Variants in CD163 observed in about 807,000 individuals in gnomAD.
The protein encoded by CD163 is CD163 molecule.
In CD163, 64 loss-of-function variants were observed where a neutral mutation model predicts 129.2. The observed-to-expected ratio is 0.50, with a 90% CI of 0.41 to 0.61. CD163 has a LOEUF of 0.61. CD163 is among the 20% of genes least tolerant of loss of function. CD163 has a pLI of 0.00. For synonymous variants in CD163, 446 were observed against 478.5 expected, an observed-to-expected ratio of 0.93 and a Z score of 0.89; for missense variants, 1,061 against 1,377.9, an observed-to-expected ratio of 0.77 and a Z score of 3.64.
chr12:7,476,448 C>CTGA (rs1363782527), intron 16 of CD163, among the ~76,000 whole-genome samples: 4 of 152,162 alleles, frequency 2.6e-5, no homozygotes, highest in African/African-American at 9.7e-5. Flanking sequence ...CTACAACCAT[C>CTGA]TGATCTTCAA....
intron 16 of CD163, among the ~76,000 whole-genome samples, chr12:7,474,698 C>G (rs1949059320): frequency 6.6e-6 from 1 of 152,032 alleles, no homozygotes; most frequent in African/African-American, 2.4e-5. Context: ...AATTCAAAAG[C>G]TAGCAGAAGA....
At chr12:7,474,824 A>G (rs71354415) in intron 16 of CD163, among the ~76,000 whole-genome samples, 2 of 152,032 alleles carry the variant, frequency 1.3e-5, no homozygotes, top group Admixed American at 6.6e-5. Flanking sequence ...TCGACAGACC[A>G]CTAGCCAGAC....
At chr12:7,493,657 C>T (rs1476310660) in intron 6 of CD163, among the ~76,000 whole-genome samples, 1 of 151,758 alleles carries the variant, frequency 6.6e-6, no homozygotes, top group Non-Finnish European at 1.5e-5. Flanking sequence ...AAATCTATAA[C>T]CTAAAATATT....
Position 7,487,720 on chromosome 12 carries a change from C to A in CD163, c.1736-47G>T. 6.2e-7 allele frequency: 1 copy of A among 1,614,100 alleles called. No individual in the cohort carries two copies. The highest frequency in any genetic ancestry group is 1.1e-5 in the South Asian group (1 of 91,078). On this transcript the variant is annotated intron_variant, in intron 7 of 16. Transcript: ENST00000432237. This position sits in a 1 kb window ranked among gnomAD's most constrained non-coding sequence, Gnocchi z 5.1. ...GAAAAAGACAGCTATGACTCCCTAA[C>A]CCTGTCCCTTTCACAGTATGAGAAC... is the stretch of plus-strand genomic sequence containing the variant.
chr12:7,497,247 A>T (rs763826671), intron 4 of CD163, 114 bp from the exon 5 acceptor site: 2 of 839,218 alleles, frequency 2.4e-6, no homozygotes, highest in South Asian at 3.2e-5. Flanking sequence ...GGAGACAGAG[A>T]AAACTGTGAT....
chr12:7,471,676 C>CTCTGCATTTCCAACTGAGTCATT (rs1302431280), intron 16 of CD163, among the ~76,000 whole-genome samples: 6 of 152,074 alleles, frequency 3.9e-5, no homozygotes, highest in African/African-American at 1.4e-4. Context: ...ACGCAGAAGT[C>CTCTGCATTTCCAACTGAGTCATT]TCTGCATTTC....
rs753569192 is a variant in CD163 at position 7,482,644 on chromosome 12, T to G, written c.3246A>C (p.Ala1082=). The change falls in exon 14 of 17, where the codon GCA becomes GCC. Residue 1082 remains alanine, a splice_region_variant and synonymous_variant. Coordinates refer to ENST00000432237, the MANE Select transcript of CD163 (RefSeq NM_203416.4). Reference sequence around the variant, plus strand: ...AGATAAACCAAATTTGGCTCAAACCTGCAAGCCGCTGTCTCTGTCTTCGCT... The same window carrying G: ...AGATAAACCAAATTTGGCTCAAACCGGCAAGCCGCTGTCTCTGTCTTCGCT... The part of the protein sequence containing the change: ...TKKRRQRQRL[A]VSSRGENLVH... The G allele has an allele frequency of 3.1e-6, 5 of 1,614,100 alleles. No homozygotes were observed. Among genetic ancestry groups the G allele is most frequent in the Non-Finnish European group, 4.2e-6 (5 of 1,179,972 alleles).
At chr12:7,478,155 C>G (rs1488700488) in intron 16 of CD163, among the ~76,000 whole-genome samples, 5 of 151,986 alleles carry the variant, frequency 3.3e-5, no homozygotes, top group Non-Finnish European at 5.9e-5. Context: ...AGAAAGGAAT[C>G]TTTGTATATT....
chr12:7,500,279 G>A (rs1464608926), intron 3 of CD163, among the ~76,000 whole-genome samples: 1 of 151,922 alleles, frequency 6.6e-6, no homozygotes, highest in African/African-American at 2.4e-5. Flanking sequence ...AAATCAGCCA[G>A]GTGTGGTGGC....
intron 16 of CD163, 86 bp downstream of exon 16, chr12:7,479,774 C>T: frequency 7.2e-7 from 1 of 1,389,382 alleles, no homozygotes; most frequent in Non-Finnish European, 9.9e-7. Context: ...TATATACATT[C>T]TTTCTTTCTA....
chr12:7,499,016 A>G lies in CD163; in HGVS notation c.630T>C (p.Gly210=), dbSNP rs1949441264. The change falls in exon 4 of 17, where the codon GGT becomes GGC. Residue 210 remains glycine, a synonymous_variant. Coordinates refer to ENST00000432237, the MANE Select transcript of CD163 (RefSeq NM_203416.4). Reference sequence around the variant, plus strand: ...CAGAGCCTTCTCCAAAATTAGATGAACCAGAGAAACTGACAGCACTTCCAC... The same window carrying G: ...CAGAGCCTTCTCCAAAATTAGATGAGCCAGAGAAACTGACAGCACTTCCAC... ...LECGSAVSFS[G]SSNFGEGSGP... The G allele has an allele frequency of 6.2e-7, 1 of 1,614,188 alleles. No individual in the cohort carries two copies. The highest frequency in any genetic ancestry group is 8.5e-7 in the Non-Finnish European group (1 of 1,180,020).
chr12:7,476,308 G>C (rs1490608126), intron 16 of CD163, among the ~76,000 whole-genome samples: 5 of 152,138 alleles, frequency 3.3e-5, no homozygotes. Flanking sequence ...GAACAGAGCT[G>C]GAAGCATCAC....
chr12:7,478,898 A>G (rs867876381), intron 16 of CD163, among the ~76,000 whole-genome samples: 2 of 152,122 alleles, frequency 1.3e-5, no homozygotes, highest in South Asian at 4.1e-4. Flanking sequence ...TTATTTTAAA[A>G]ACAGAAAATG....
At chr12:7,486,849 T>C (rs1454418767) in intron 9 of CD163, 36 bp from the exon 10 acceptor site, 3 of 1,604,984 alleles carry the variant, frequency 1.9e-6, no homozygotes, top group East Asian at 4.5e-5. Flanking sequence ...TAATGAGCAT[T>C]CCACTTGTTA....
chr12:7,489,116 C>T (rs1054046248), intron 6 of CD163, among the ~76,000 whole-genome samples: 1 of 152,050 alleles, frequency 6.6e-6, no homozygotes, highest in African/African-American at 2.4e-5. Flanking sequence ...GAAATTACTA[C>T]AGAATTAGTA....
chr12:7,484,410 C>T lies in CD163; in HGVS notation c.2779+686G>A, dbSNP rs12828898. On this transcript the variant is annotated intron_variant, in intron 11 of 16. Coordinates refer to ENST00000432237, the MANE Select transcript of CD163 (RefSeq NM_203416.4). ...ATCCCAGCAATTTGGGAGGCCAAGG[C>T]GGGTGGATCACCTGAGGTCAGAAGT... 4.6e-3 allele frequency among the ~76,000 whole-genome samples: 698 copies of T among 152,060 alleles called. 2 individuals carry two copies. Among genetic ancestry groups the T allele is most frequent in the African/African-American group, 0.014 (601 of 41,498 alleles).
intron 14 of CD163, among the ~76,000 whole-genome samples, chr12:7,481,978 A>T (rs2136696277): frequency 6.6e-6 from 1 of 152,188 alleles, no homozygotes; most frequent in African/African-American, 2.4e-5. Flanking sequence ...AGCCTCCAGT[A>T]ATCCCCCTCC....
intron 16 of CD163, among the ~76,000 whole-genome samples, chr12:7,476,467 C>A (rs776044812): frequency 5.1e-4 from 77 of 152,072 alleles, no homozygotes; most frequent in Middle Eastern, 3.4e-3. Flanking sequence ...AACAAACCTG[C>A]CAAAAACAAG....
intron 2 of CD163, 67 bp from the exon 3 acceptor site, chr12:7,501,529 A>C (rs1949489862): frequency 8.3e-7 from 1 of 1,204,846 alleles, no homozygotes; most frequent in Admixed American, 1.8e-5. Context: ...TTATTTTTTT[A>C]CATTACTTAT....
Sources: allele counts gnomAD v4.1 joint callset (sites outside exome capture counted in the v4.1 genomes callset), GRCh38; gene constraint gnomAD v4.1.1; non-coding constraint Gnocchi (gnomAD v3.1); transcripts MANE v1.5; gene names NCBI Gene and HGNC (gene_info 2026-07-23, HGNC 2026-07-21).